NIPBL: variants seen among roughly 807,000 people sequenced by gnomAD.
NIPBL encodes NIPBL cohesin loading factor, also known as nipped-B-like protein.
In NIPBL, 19 loss-of-function variants were observed where a neutral mutation model predicts 321.8. The ratio of observed to expected loss-of-function variants is 0.06; its 90% CI spans 0.04 to 0.09. The LOEUF is 0.09. Ranked by LOEUF, NIPBL falls within the 10% of genes least tolerant of loss-of-function variation. The pLI is 1.00. For missense variants in NIPBL, 2,210 were observed against 3,327.0 expected (o/e 0.66, Z 8.26); for synonymous variants, 1,106 against 1,114.1 (o/e 0.99, Z 0.14).
intron 1 of NIPBL, among the ~76,000 whole-genome samples, chr5:36,899,379 A>G (rs1203119658): frequency 6.6e-6 from 1 of 152,164 alleles, no homozygotes; most frequent in Non-Finnish European, 1.5e-5. Flanking sequence ...CTTACAAATT[A>G]ATATGTATTG....
intron 1 of NIPBL, among the ~76,000 whole-genome samples, chr5:36,936,721 A>T (rs948844931): frequency 6.6e-6 from 1 of 152,130 alleles, no homozygotes; most frequent in Non-Finnish European, 1.5e-5. Context: ...TGACCTAACA[A>T]GTAAGTCTGA....
rs144299383 is a variant in NIPBL at position 36,979,253 on chromosome 5, A to G, written c.1495+2851A>G. The stretch of plus-strand genomic sequence containing the variant: ...TGTTTTTGATTTGTTTGTGTTATCT[A>G]TGATTTATTTTATCAGTGTTTTGTA... On this transcript the variant is annotated intron_variant, in intron 9 of 46. Coordinates refer to ENST00000282516, the MANE Select transcript of NIPBL (RefSeq NM_133433.4). 8.0e-3 allele frequency among the ~76,000 whole-genome samples: 1,217 copies of G among 151,832 alleles called. 19 individuals carry two copies. Among genetic ancestry groups the G allele is most frequent in the African/African-American group, 0.028 (1,145 of 41,502 alleles).
intron 16 of NIPBL, among the ~76,000 whole-genome samples, chr5:37,003,961 G>T (rs182299955): frequency 6.6e-6 from 1 of 152,064 alleles, no homozygotes; most frequent in Non-Finnish European, 1.5e-5. Flanking sequence ...GATGATAGTA[G>T]GTAGTAATTC....
chr5:37,033,566 A>G (rs1751313612), intron 32 of NIPBL, among the ~76,000 whole-genome samples: 1 of 150,262 alleles, frequency 6.7e-6, no homozygotes, highest in Non-Finnish European at 1.5e-5. Context: ...GAATTAAAAA[A>G]AAAAGATTCC....
intron 1 of NIPBL, among the ~76,000 whole-genome samples, chr5:36,924,472 T>C (rs1356964372): frequency 6.6e-6 from 1 of 152,182 alleles, no homozygotes; most frequent in Non-Finnish European, 1.5e-5. Context: ...CTGTGTGAAC[T>C]TAGGCAAATT....
chr5:36,920,262 C>T (rs2149557242), intron 1 of NIPBL, among the ~76,000 whole-genome samples: 1 of 152,214 alleles, frequency 6.6e-6, no homozygotes, highest in East Asian at 1.9e-4. Flanking sequence ...ACTTGAAAAA[C>T]ACTTGTTACA....
chr5:36,918,993 T>G lies in NIPBL; in HGVS notation c.-79-34625T>G, dbSNP rs200619584. On this transcript the variant is annotated intron_variant, in intron 1 of 46. Transcript: ENST00000282516. ...GTATTGGTGTAAAATTCTCTTTTTT[T>G]GTTGTGTCTCTGCCAGGCTTTGGTA... is the stretch of plus-strand genomic sequence containing the variant. Among the ~76,000 whole-genome samples the G allele has an allele frequency of 2.6e-5, 4 of 152,278 alleles. No homozygotes were observed. In the East Asian group the frequency reaches 7.7e-4, roughly 29 times the overall value.
At chr5:36,920,839 T>C (rs75318946) in intron 1 of NIPBL, among the ~76,000 whole-genome samples, 4 of 151,862 alleles carry the variant, frequency 2.6e-5, no homozygotes, top group African/African-American at 4.8e-5. Flanking sequence ...TTTTTTTTTT[T>C]CAAAGACTGC....
chr5:36,987,064 G>T (rs932803010), intron 10 of NIPBL, among the ~76,000 whole-genome samples: 1 of 152,024 alleles, frequency 6.6e-6, no homozygotes, highest in African/African-American at 2.4e-5. Context: ...TTTTTAAATA[G>T]AGATGGGGTC....
rs1488788725 is a variant in NIPBL at position 36,962,346 on chromosome 5, A to T, written c.610+72A>T. 2.0e-6 allele frequency: 3 copies of T among 1,515,224 alleles called. No individual in the cohort carries two copies. The African/African-American group carries it at 4.1e-5, about 21-fold the overall frequency. 93.9% of individuals were successfully genotyped at this position (1,515,224 alleles called of 1,614,324 possible). On this transcript the variant is annotated intron_variant, in intron 6 of 46. Coordinates refer to ENST00000282516, the MANE Select transcript of NIPBL (RefSeq NM_133433.4). ...ATTCCAAGCAAATTTGTTTTTTAAAATATAATTATTAAACACAAACTAAAA... is the reference window on the plus strand; with the variant it reads ...ATTCCAAGCAAATTTGTTTTTTAAATTATAATTATTAAACACAAACTAAAA...
intron 6 of NIPBL, among the ~76,000 whole-genome samples, chr5:36,970,577 G>C (rs1017712214): frequency 2.0e-5 from 3 of 151,690 alleles, no homozygotes; most frequent in Admixed American, 1.3e-4. Flanking sequence ...ATAACACATA[G>C]GCAGAATAAA....
intron 10 of NIPBL, among the ~76,000 whole-genome samples, chr5:36,992,099 A>G (rs1468876392): frequency 2.0e-5 from 3 of 152,182 alleles, no homozygotes; most frequent in Non-Finnish European, 4.4e-5. Flanking sequence ...CAGAGTATAG[A>G]GTGCACTGTA....
At chr5:36,877,608 A>G (rs1488285837) in intron 1 of NIPBL, among the ~76,000 whole-genome samples, 5 of 152,114 alleles carry the variant, frequency 3.3e-5, no homozygotes, top group Non-Finnish European at 7.4e-5. Flanking sequence ...CCATATTTAC[A>G]ACTTTCCCGG....
chr5:37,061,033 CA>C lies in NIPBL; in HGVS notation c.7860+19del. 6.2e-7 allele frequency: 1 copy of C among 1,610,936 alleles called. No homozygotes were observed. ...AGTATCTAGATGTGAGTAGTAAAACCAAAAGTTTTTACTTCTCATAAGGGCT... is the reference window on the plus strand; with the variant it reads ...AGTATCTAGATGTGAGTAGTAAAACCAAAGTTTTTACTTCTCATAAGGGCT... On this transcript the variant is annotated intron_variant, in intron 45 of 46. Transcript: ENST00000282516.
At chr5:37,053,696 A>G (rs1158899652) in intron 42 of NIPBL, among the ~76,000 whole-genome samples, 1 of 152,226 alleles carries the variant, frequency 6.6e-6, no homozygotes, top group Non-Finnish European at 1.5e-5. Flanking sequence ...CTGTTGCACT[A>G]GTTGCATTGG....
At chr5:36,952,766 T>G (rs1268939371) in intron 1 of NIPBL, among the ~76,000 whole-genome samples, 1 of 152,238 alleles carries the variant, frequency 6.6e-6, no homozygotes, top group Non-Finnish European at 1.5e-5. Context: ...GCATATTGAT[T>G]ATGTGACTTG....
intron 9 of NIPBL, among the ~76,000 whole-genome samples, chr5:36,983,291 A>G (rs528393339): frequency 6.6e-6 from 1 of 152,092 alleles, no homozygotes; most frequent in African/African-American, 2.4e-5. Flanking sequence ...AAGGAGCAGA[A>G]GGACTTAGTT....
At chr5:37,063,506 C>T (rs1418324388) in intron 45 of NIPBL, among the ~76,000 whole-genome samples, 1 of 152,150 alleles carries the variant, frequency 6.6e-6, no homozygotes, top group Non-Finnish European at 1.5e-5. Context: ...TTTTTGCAAA[C>T]AAAGTTTTAT....
intron 1 of NIPBL, among the ~76,000 whole-genome samples, chr5:36,894,181 G>A (rs577838503): frequency 3.0e-4 from 46 of 152,004 alleles, no homozygotes; most frequent in Middle Eastern, 6.4e-3. Context: ...CTGCTAATTT[G>A]TGACATTTCT....
Sources: gnomAD v4.1 joint callset for allele counts (sites outside exome capture counted in the v4.1 genomes callset) on GRCh38, gnomAD v4.1.1 for gene constraint, MANE v1.5 for transcripts, NCBI Gene and HGNC (gene_info 2026-07-23, HGNC 2026-07-21) for gene names.